ZNF888: variants seen among roughly 807,000 people sequenced by gnomAD.
ZNF888 encodes CTD-2331H12.6.
In ZNF888, 5 loss-of-function variants were observed where a neutral mutation model predicts 7.2. The observed-to-expected ratio is 0.70, with a 90% confidence interval of 0.36 to 1.46. ZNF888 has a LOEUF of 1.46. Among genes scored for constraint, ZNF888 ranks in the 40% most tolerant of loss-of-function variants. The pLI is 0.03. For missense variants in ZNF888, 716 were observed against 858.0 expected (o/e 0.83, Z 2.07); for synonymous variants, 240 against 284.3 (o/e 0.84, Z 1.57).
intron 4 of ZNF888, 38 bp from the exon 5 acceptor site, chr19:52,908,217 A>G: frequency 6.4e-7 from 1 of 1,572,258 alleles, no homozygotes. Context: ...CCAATTCAGT[A>G]CAGATAATAT....
chr19:52,916,541 T>C (rs1028146515), intron 3 of ZNF888, among the ~76,000 whole-genome samples: 1 of 150,538 alleles, frequency 6.6e-6, no homozygotes, highest in Non-Finnish European at 1.5e-5. Context: ...TGTGTATATG[T>C]GTGGGGATGT....
At chr19:52,908,392 C>T (rs1199627988) in intron 4 of ZNF888, among the ~76,000 whole-genome samples, 2 of 152,126 alleles carry the variant, frequency 1.3e-5, no homozygotes, top group Admixed American at 6.6e-5. Flanking sequence ...TTTCTAATAT[C>T]ATGACAAAAC....
rs544360833 is a variant in ZNF888 at position 52,920,803 on chromosome 19, G to A, written c.-177-1866C>T. Among the ~76,000 whole-genome samples the A allele has an allele frequency of 3.3e-4, 22 of 66,136 alleles. 9 individuals are homozygous for A. In the East Asian group the frequency reaches 7.0e-3, roughly 21 times the overall value. 43.4% of individuals were successfully genotyped at this position (66,136 alleles called of 152,430 possible). On this transcript the variant is annotated intron_variant, in intron 1 of 4. Transcript: ENST00000638862. Reference sequence around the variant, plus strand: ...TCTTTCTTTAATGTATTTGATTGATGTCTCCTGTCTCCCTAAAATGTATAA... The same window carrying A: ...TCTTTCTTTAATGTATTTGATTGATATCTCCTGTCTCCCTAAAATGTATAA...
rs1042225207 is a variant in ZNF888, at chr19:52,922,312, C to T, written c.-178+1057G>A. Among the ~76,000 whole-genome samples, 15 of 152,098 alleles carry T rather than the reference C, an allele frequency of 9.9e-5. No individual in the cohort carries two copies. The East Asian group carries it at 2.7e-3, about 28-fold the overall frequency. On this transcript the variant is annotated intron_variant, in intron 1 of 4. Coordinates refer to ENST00000638862, the MANE Select transcript of ZNF888 (RefSeq NM_001393938.1). The stretch of plus-strand genomic sequence containing the variant: ...TAAATTCTCTCTTCCCCGTTATACC[C>T]CCCTGGCCCCACTCTCTGGCACCCC...
In ZNF888 at chr19:52,905,247, T is replaced by A. The variant is rs895662310; in HGVS notation, c.*918A>T. Reference sequence around the variant, plus strand: ...TGCCTTAACTGATGACATTACCTTGTGAAATTCCTTCTCCTGGCTCATCCT... The same window carrying A: ...TGCCTTAACTGATGACATTACCTTGAGAAATTCCTTCTCCTGGCTCATCCT... On this transcript the variant is annotated 3_prime_UTR_variant, in exon 5 of 5. Coordinates refer to ENST00000638862, the MANE Select transcript of ZNF888 (RefSeq NM_001393938.1). 3 of 152,440 alleles carry A rather than the reference T, an allele frequency of 2.0e-5. No homozygotes were observed. Among genetic ancestry groups the A allele is most frequent in the African/African-American group, 7.2e-5 (3 of 41,400 alleles). 9.4% of individuals were successfully genotyped at this position (152,440 alleles called of 1,614,324 possible).
chr19:52,916,237 G>C (rs1490032743), intron 3 of ZNF888, among the ~76,000 whole-genome samples: 2 of 152,234 alleles, frequency 1.3e-5, no homozygotes, highest in African/African-American at 4.8e-5. Flanking sequence ...TGACCCTGAG[G>C]GTAGAGGTTG....
chr19:52,911,200 T>C (rs550111131), intron 4 of ZNF888, among the ~76,000 whole-genome samples: 3 of 152,062 alleles, frequency 2.0e-5, no homozygotes, highest in South Asian at 2.1e-4. Flanking sequence ...TTTAGTATAT[T>C]TGAGGTTTCA....
intron 4 of ZNF888, among the ~76,000 whole-genome samples, chr19:52,908,385 C>G (rs569093020): frequency 4.3e-4 from 65 of 152,096 alleles, no homozygotes; most frequent in Non-Finnish European, 7.2e-4. Flanking sequence ...AAGCCTATTT[C>G]TAATATCATG....
chr19:52,918,256 A>C (rs1441070857), intron 2 of ZNF888: 2 of 964,184 alleles, frequency 2.1e-6, no homozygotes, highest in African/African-American at 3.5e-5. Flanking sequence ...CTCGGAGACC[A>C]AGGTAGGTAC....
Position 52,906,366 on chromosome 19 carries a change from ATGT to A in ZNF888, c.1953_1955del (p.Gln651del). On this transcript the variant is annotated inframe_deletion, in exon 5 of 5. Coordinates refer to ENST00000638862, the MANE Select transcript of ZNF888 (RefSeq NM_001393938.1). Reference sequence around the variant, plus strand: ...GTTTCTCTCCAGTGTGAACTCTCTGATGTTGTGCAAGGTATGAATCACGCCCAA... The same window carrying A: ...GTTTCTCTCCAGTGTGAACTCTCTGATGTGCAAGGTATGAATCACGCCCAA... 1 of 1,613,492 alleles carries A rather than the reference ATGT, an allele frequency of 6.2e-7. No homozygotes were observed. Among genetic ancestry groups the A allele is most frequent in the South Asian group, 1.1e-5 (1 of 91,024 alleles).
chr19:52,917,610 C>T (rs567875535), intron 3 of ZNF888, among the ~76,000 whole-genome samples: 15 of 152,248 alleles, frequency 9.9e-5, no homozygotes, highest in East Asian at 5.8e-4. Flanking sequence ...ACCCTCACCC[C>T]GTCTCCATCC....
intron 4 of ZNF888, among the ~76,000 whole-genome samples, chr19:52,909,106 C>T (rs899357944): frequency 6.6e-6 from 1 of 151,630 alleles, no homozygotes; most frequent in Non-Finnish European, 1.5e-5. Context: ...GATCGCACCA[C>T]TGCACTCCAG....
chr19:52,921,262 G>A (rs1030350545), intron 1 of ZNF888, among the ~76,000 whole-genome samples: 2 of 152,244 alleles, frequency 1.3e-5, no homozygotes, highest in Non-Finnish European at 2.9e-5. Context: ...GCTGGACACT[G>A]GCAGGGGCCC....
intron 4 of ZNF888, among the ~76,000 whole-genome samples, chr19:52,912,174 CAA>C (rs1419028317): frequency 1.0e-4 from 14 of 139,810 alleles, no homozygotes; most frequent in East Asian, 8.9e-4. Context: ...AGTGTCGTGG[CAA>C]GATCTCGGCT....
At position 52,904,534 on chromosome 19, in the gene ZNF888, A is replaced by G. The variant is rs1035998836; in HGVS notation, c.*1631T>C. ...GGGCTCACAACACTAAGGATTTCAC[A>G]TGAAACGGTCGTGATTGATTTGAGC... is the stretch of plus-strand genomic sequence containing the variant. On this transcript the variant is annotated 3_prime_UTR_variant, in exon 5 of 5. Coordinates refer to ENST00000638862, the MANE Select transcript of ZNF888 (RefSeq NM_001393938.1). 8 of 152,340 alleles carry G rather than the reference A, an allele frequency of 5.3e-5. No individual in the cohort carries two copies. In the East Asian group the frequency reaches 1.5e-3, roughly 29 times the overall value. The allele number at this position is 152,340 out of a possible 1,614,324, so 9.4% of individuals were successfully genotyped here.
intron 4 of ZNF888, chr19:52,914,319 C>T: frequency 2.0e-6 from 2 of 983,694 alleles, no homozygotes; most frequent in African/African-American, 1.7e-5. Context: ...TATTCCCACC[C>T]ATCTGGACTT....
chr19:52,907,842 A>C lies in ZNF888; in HGVS notation c.480T>G (p.Gly160=), dbSNP rs1457509241. 1 of 1,614,046 alleles carries C rather than the reference A, an allele frequency of 6.2e-7. No individual in the cohort carries two copies. Among genetic ancestry groups the C allele is most frequent in the Non-Finnish European group, 8.5e-7 (1 of 1,180,032 alleles). ...TGTTGATAGACTTCTCAAGTTGATT[A>C]CCAATTTTCCCTTCGGGCTGAAATA... The part of the protein sequence containing the change: ...LHIFQPEGKI[G]NQLEKSINNA... The change falls in exon 5 of 5, where the codon GGT becomes GGG. Residue 160 remains glycine (G), a synonymous_variant. Transcript: ENST00000638862.
At chr19:52,922,244 T>C (rs1384011001) in intron 1 of ZNF888, among the ~76,000 whole-genome samples, 1 of 106,786 alleles carries the variant, frequency 9.4e-6, no homozygotes, top group Non-Finnish European at 1.9e-5. Context: ...TCAATGTCCA[T>C]AGATTTCCAC....
chr19:52,917,752 A>T, intron 3 of ZNF888, 107 bp downstream of exon 3: 12 of 1,581,754 alleles, frequency 7.6e-6, no homozygotes, highest in Non-Finnish European at 9.5e-6. Flanking sequence ...GAGTGTGAGC[A>T]AACCTGTCAC....
Sources: allele counts gnomAD v4.1 joint callset (sites outside exome capture counted in the v4.1 genomes callset), GRCh38; gene constraint gnomAD v4.1.1; transcripts MANE v1.5; gene names NCBI Gene and HGNC (gene_info 2026-07-23, HGNC 2026-07-21).